Variants in FAAH2 observed in about 807,000 individuals in gnomAD.
FAAH2 encodes the protein fatty acid amide hydrolase 2, also known as fatty-acid amide hydrolase 2.
A neutral mutation model predicts 36.9 loss-of-function variants in FAAH2; 60 were observed. The observed-to-expected ratio is 1.63, with a 90% confidence interval of 1.32 to 2.02. The LOEUF (loss-of-function observed/expected upper bound fraction) is 2.02, where lower values mean the gene tolerates loss of function less well. Among genes scored for constraint, FAAH2 ranks in the 30% most tolerant of loss-of-function variants. FAAH2 has a pLI of 0.00. For missense variants in FAAH2, 689 were observed against 397.5 expected (o/e 1.73, Z -6.23); for synonymous variants, 214 against 143.8 (o/e 1.49, Z -3.49).
rs5902566 is a variant in FAAH2, at chrX:57,464,518, C to CAAAAAAAAAAAAAAA, written c.1423+15807_1423+15821dup. 4.9e-5 allele frequency among the ~76,000 whole-genome samples: 3 copies of CAAAAAAAAAAAAAAA among 60,984 alleles called. 1 individual carries two copies. The highest frequency in any genetic ancestry group is 6.4e-5 in the African/African-American group (1 of 15,528). 53.0% of individuals were successfully genotyped at this position (60,984 alleles called of 115,157 possible). A position where few individuals can be genotyped will look rare whatever the true frequency, so the allele number is the denominator to read the frequency against. ...ATGGCCAAGTTCCTAATAGCAATTG[C>CAAAAAAAAAAAAAAA]AAAAAAAAAAAAAAAAAAAAATTGA... On this transcript the variant is annotated intron_variant, in intron 10 of 10. Coordinates refer to ENST00000374900, the MANE Select transcript of FAAH2 (RefSeq NM_174912.4).
chrX:57,177,548 CT>C, the FAAH2 span, among the ~76,000 whole-genome samples: 2 of 72,161 alleles, frequency 2.8e-5, no homozygotes, highest in African/African-American at 9.8e-5. Context: ...CAAATCTTTT[CT>C]TTTTTATTAT....
At chrX:57,253,541 A>C in the FAAH2 span, among the ~76,000 whole-genome samples, 1 of 112,031 alleles carries the variant, frequency 8.9e-6, no homozygotes, top group South Asian at 3.7e-4. Flanking sequence ...TACCCGCAAA[A>C]GGAAGCCCAT....
At chrX:57,446,083 A>G (rs2056668198) in intron 8 of FAAH2, among the ~76,000 whole-genome samples, 1 of 112,106 alleles carries the variant, frequency 8.9e-6, no homozygotes. Flanking sequence ...TATGTTGCAT[A>G]CCACTGGGAC....
At chrX:57,216,527 TATATATATATATATAC>T in the FAAH2 span, among the ~76,000 whole-genome samples, 1 of 36,158 alleles carries the variant, frequency 2.8e-5, no homozygotes, top group African/African-American at 3.3e-4. Flanking sequence ...TACGTATATG[TATATATATATATATAC>T]GTATATGTAT....
At chrX:57,183,347 A>G in the FAAH2 span, among the ~76,000 whole-genome samples, 3 of 105,971 alleles carry the variant, frequency 2.8e-5, no homozygotes, top group African/African-American at 1.1e-4. Context: ...AGTAATTAAT[A>G]CATTGAAAAT....
intron 5 of FAAH2, among the ~76,000 whole-genome samples, chrX:57,375,850 C>T: frequency 9.0e-6 from 1 of 111,568 alleles, no homozygotes; most frequent in Non-Finnish European, 1.9e-5. Context: ...TTTAAAGATG[C>T]TTTATTCATT....
chrX:57,469,302 A>T (rs7057967), intron 10 of FAAH2, among the ~76,000 whole-genome samples: 1 of 110,638 alleles, frequency 9.0e-6, no homozygotes, highest in Non-Finnish European at 1.9e-5. Context: ...ACACAGACTG[A>T]CAAATTGGAT....
chrX:57,358,059 C>G (rs1216833255), intron 5 of FAAH2, among the ~76,000 whole-genome samples: 1 of 110,809 alleles, frequency 9.0e-6, no homozygotes, highest in African/African-American at 3.3e-5. Context: ...ATCTGCTCTA[C>G]TTTTTATTAT....
intron 10 of FAAH2, among the ~76,000 whole-genome samples, chrX:57,460,952 G>A (rs1018399362): frequency 9.0e-6 from 1 of 111,009 alleles, no homozygotes; most frequent in Non-Finnish European, 1.9e-5. Context: ...AAGGGATGGG[G>A]GAATATTTAC....
chrX:57,446,098 C>A (rs1286377720), intron 8 of FAAH2, among the ~76,000 whole-genome samples: 1 of 112,118 alleles, frequency 8.9e-6, no homozygotes, highest in Non-Finnish European at 1.9e-5. Flanking sequence ...TGGGACAGGG[C>A]AGGACTGGGT....
the FAAH2 span, among the ~76,000 whole-genome samples, chrX:57,242,807 C>A: frequency 4.5e-5 from 5 of 112,275 alleles, no homozygotes; most frequent in Non-Finnish European, 9.4e-5. Flanking sequence ...CAAGGCCCTG[C>A]ATTTCAAGCA....
chrX:57,214,033 T>C, the FAAH2 span, among the ~76,000 whole-genome samples: 4 of 112,068 alleles, frequency 3.6e-5, no homozygotes, highest in Non-Finnish European at 7.5e-5. Context: ...CTTATTAAAT[T>C]GATCCCTTTA....
At chrX:57,238,167 A>G in the FAAH2 span, among the ~76,000 whole-genome samples, 1 of 112,090 alleles carries the variant, frequency 8.9e-6, no homozygotes, top group African/African-American at 3.2e-5. Context: ...AAAGTAATAT[A>G]AATTTTTCTG....
At chrX:57,245,172 G>GTT in the FAAH2 span, among the ~76,000 whole-genome samples, 1 of 111,953 alleles carries the variant, frequency 8.9e-6, no homozygotes, top group Non-Finnish European at 1.9e-5. Flanking sequence ...AATGCAACAA[G>GTT]AAGAGCTAAC....
chrX:57,137,497 GCAGTGGCTGTAGTCTC>G, the FAAH2 span: 8 of 206,155 alleles, frequency 3.9e-5, no homozygotes, highest in Non-Finnish European at 5.8e-5. Context: ...AGTCCCTGAT[GCAGTGGCTGTAGTCTC>G]TGCCCTTTTT....
At chrX:57,320,408 A>G (rs1363023292) in intron 3 of FAAH2, among the ~76,000 whole-genome samples, 9 of 112,637 alleles carry the variant, frequency 8.0e-5, no homozygotes, top group Non-Finnish European at 1.5e-4. Context: ...GCCAACAAAC[A>G]TATGAAAAAA....
At chrX:57,405,672 T>A (rs182835660) in intron 7 of FAAH2, among the ~76,000 whole-genome samples, 289 of 103,507 alleles carry the variant, frequency 2.8e-3, no homozygotes, top group African/African-American at 9.5e-3. Flanking sequence ...TTTAATTTTT[T>A]AAAAAAATTT....
intron 7 of FAAH2, among the ~76,000 whole-genome samples, chrX:57,390,689 G>T (rs1753300616): frequency 8.9e-6 from 1 of 111,762 alleles, no homozygotes; most frequent in Admixed American, 9.5e-5. Flanking sequence ...GTATTCTGTG[G>T]TGTTTATATA....
At chrX:57,411,742 G>A (rs2055705533) in intron 7 of FAAH2, among the ~76,000 whole-genome samples, 1 of 110,952 alleles carries the variant, frequency 9.0e-6, no homozygotes, top group Non-Finnish European at 1.9e-5. Flanking sequence ...TTTTCCTTGG[G>A]CCTCTTTTGG....
Sources: allele counts gnomAD v4.1 joint callset (sites outside exome capture counted in the v4.1 genomes callset), GRCh38; gene constraint gnomAD v4.1.1; transcripts MANE v1.5; gene names NCBI Gene and HGNC (gene_info 2026-07-23, HGNC 2026-07-21).